ACRV1: variants seen among roughly 807,000 people sequenced by gnomAD.
The protein encoded by ACRV1 is acrosomal protein SP-10.
Under a neutral mutation model 29.2 loss-of-function variants are expected in ACRV1, and 17 were observed. That is an observed-to-expected ratio of 0.58 (90% confidence interval 0.40 to 0.87). The LOEUF (loss-of-function observed/expected upper bound fraction) is 0.87, where lower values mean the gene tolerates loss of function less well. Ranked by LOEUF, ACRV1 falls within the 40% of genes least tolerant of loss-of-function variation. ACRV1 has a pLI of 0.00. For synonymous variants in ACRV1, 98 were observed against 111.6 expected, an observed-to-expected ratio of 0.88 and a Z score of 0.77; for missense variants, 294 against 316.0, an observed-to-expected ratio of 0.93 and a Z score of 0.53.
chr11:125,675,614 A>G (rs1415001151), intron 3 of ACRV1, among the ~76,000 whole-genome samples: 1 of 152,234 alleles, frequency 6.6e-6, no homozygotes, highest in Non-Finnish European at 1.5e-5. Flanking sequence ...GTGTGGGAAT[A>G]TACTCAGACT....
At chr11:125,675,482 A>G (rs927800969) in intron 3 of ACRV1, among the ~76,000 whole-genome samples, 1 of 152,186 alleles carries the variant, frequency 6.6e-6, no homozygotes, top group Non-Finnish European at 1.5e-5. Flanking sequence ...GAAATAGGAA[A>G]ATGACATTTC....
chr11:125,676,284 C>T, intron 3 of ACRV1, 75 bp downstream of exon 3: 1 of 1,553,624 alleles, frequency 6.4e-7, no homozygotes, highest in Non-Finnish European at 8.8e-7. Context: ...GGGCCCCTGT[C>T]ATTCCAACTG....
intron 3 of ACRV1, among the ~76,000 whole-genome samples, chr11:125,675,125 G>A (rs1942428555): frequency 6.6e-6 from 1 of 152,094 alleles, no homozygotes; most frequent in African/African-American, 2.4e-5. Context: ...TAATTGCTTT[G>A]GTGCAACCTG....
Position 125,672,554 on chromosome 11 carries a change from T to C in ACRV1, c.*39A>G, listed in dbSNP as rs1942244891. 2.5e-6 allele frequency: 4 copies of C among 1,610,108 alleles called. No homozygotes were observed. Among genetic ancestry groups the C allele is most frequent in the African/African-American group, 1.3e-5 (1 of 74,630 alleles). ...TGAGCCAAATAGAGTGATGGAGGCT[T>C]TTTACTGCCTGAGTCAAAACAAGCA... On this transcript the variant is annotated 3_prime_UTR_variant, in exon 4 of 4. Coordinates refer to ENST00000533904, the MANE Select transcript of ACRV1 (RefSeq NM_001612.6).
chr11:125,680,705 C>G, intron 1 of ACRV1, 24 bp downstream of exon 1: 1 of 1,607,944 alleles, frequency 6.2e-7, no homozygotes, highest in Non-Finnish European at 8.5e-7. Context: ...TTGTATTTAC[C>G]TGAAGCCTAG....
At chr11:125,672,807 T>C in intron 3 of ACRV1, 90 bp from the exon 4 acceptor site, 2 of 1,505,724 alleles carry the variant, frequency 1.3e-6, no homozygotes, top group Admixed American at 3.8e-5. Flanking sequence ...CCATGCAGGA[T>C]GGTCAAGACC....
At chr11:125,679,884 A>G (rs1942715796) in intron 1 of ACRV1, among the ~76,000 whole-genome samples, 1 of 152,228 alleles carries the variant, frequency 6.6e-6, no homozygotes, top group South Asian at 2.1e-4. Context: ...TATTTTTTAA[A>G]CTTATTACAT....
At position 125,677,981 on chromosome 11, in the gene ACRV1, G is replaced by T; in HGVS notation, c.369C>A (p.His123Gln). Residue 123 changes from histidine to glutamine, a missense_variant, in exon 2 of 4, where the codon CAC becomes CAA. Coordinates refer to ENST00000533904, the MANE Select transcript of ACRV1 (RefSeq NM_001612.6). ...CACTCAAAGGCTGTTCTCCGGAGAGGTGTTCACCTGAAGGCTGTTCTCCTG... is the reference window on the plus strand; with the variant it reads ...CACTCAAAGGCTGTTCTCCGGAGAGTTGTTCACCTGAAGGCTGTTCTCCTG... ...QPSGEQPSGE[H>Q]LSGEQPLSEL... 1 of 1,612,492 alleles carries T rather than the reference G, an allele frequency of 6.2e-7. No homozygotes were observed. Among genetic ancestry groups the T allele is most frequent in the South Asian group, 1.1e-5 (1 of 91,008 alleles).
At position 125,672,049 on chromosome 11, in the gene ACRV1, T is replaced by C. The variant is rs1942217632; in HGVS notation, c.*544A>G. 1 of 152,326 alleles carries C rather than the reference T, an allele frequency of 6.6e-6. No homozygotes were observed. The highest frequency in any genetic ancestry group is 1.5e-5 in the Non-Finnish European group (1 of 68,220). 9.4% of individuals were successfully genotyped at this position (152,326 alleles called of 1,614,324 possible). A position where few individuals can be genotyped will look rare whatever the true frequency, so the allele number is the denominator to read the frequency against. ...GTGGACTACTGAAGACTAGAAACTC[T>C]CAAGAGCCAAAGAAGAGTTGAGTTT... On this transcript the variant is annotated 3_prime_UTR_variant, in exon 4 of 4. Coordinates refer to ENST00000533904, the MANE Select transcript of ACRV1 (RefSeq NM_001612.6).
intron 2 of ACRV1, among the ~76,000 whole-genome samples, chr11:125,677,242 T>C (rs1203997554): frequency 6.6e-6 from 1 of 152,386 alleles, no homozygotes; most frequent in South Asian, 2.1e-4. Context: ...CATCAAACTT[T>C]GGGTCTTGTT....
rs180902669 is a variant in ACRV1 at position 125,677,495 on chromosome 11, T to A, written c.553+302A>T. Among the ~76,000 whole-genome samples, 4 of 152,290 alleles carry A rather than the reference T, an allele frequency of 2.6e-5. No homozygotes were observed. The South Asian group carries it at 6.2e-4, about 24-fold the overall frequency. On this transcript the variant is annotated intron_variant, in intron 2 of 3. Coordinates refer to ENST00000533904, the MANE Select transcript of ACRV1 (RefSeq NM_001612.6). Reference sequence around the variant, plus strand: ...GAACTCTGCACTTTCATGATCCCCTTCTAGGGAAGTCGGAAGGGCTGTGTA... The same window carrying A: ...GAACTCTGCACTTTCATGATCCCCTACTAGGGAAGTCGGAAGGGCTGTGTA...
At chr11:125,676,188 G>T in intron 3 of ACRV1, 171 bp downstream of exon 3, 1 of 815,262 alleles carries the variant, frequency 1.2e-6, no homozygotes, top group Non-Finnish European at 1.9e-6. Context: ...GATTTTAGGT[G>T]TGAGCCACCT....
intron 2 of ACRV1, 66 bp from the exon 3 acceptor site, chr11:125,676,544 C>T (rs1251117900): frequency 6.3e-7 from 1 of 1,595,702 alleles, no homozygotes; most frequent in African/African-American, 1.3e-5. Flanking sequence ...TGATTCACAT[C>T]TGGGAGGGGT....
At chr11:125,679,216 C>CTTTTTT (rs71045115) in intron 1 of ACRV1, among the ~76,000 whole-genome samples, 162 of 120,962 alleles carry the variant, frequency 1.3e-3, no homozygotes, top group South Asian at 3.6e-3. Flanking sequence ...CCGTCTCTTT[C>CTTTTTT]TTTTTTTTTT....
Position 125,678,077 on chromosome 11 carries a change from ACTCT to A in ACRV1, c.269_272del (p.Glu90ValfsTer20). ...CAGCGGGCTCACCTGAAGCATGCTC[ACTCT>A]CAGCATGTTCTCCAGAAGTGTGCTC... On this transcript the variant is annotated frameshift_variant, in exon 2 of 4. Transcript: ENST00000533904. LOFTEE classifies it high-confidence loss of function. 1.2e-6 allele frequency: 2 copies of A among 1,614,074 alleles called. No individual in the cohort carries two copies. Among genetic ancestry groups the A allele is most frequent in the South Asian group, 1.1e-5 (1 of 91,080 alleles).
chr11:125,676,514 G>A, intron 2 of ACRV1, 36 bp from the exon 3 acceptor site: 2 of 1,613,228 alleles, frequency 1.2e-6, no homozygotes, highest in Non-Finnish European at 1.7e-6. Flanking sequence ...ACATTTCCTT[G>A]TGGACCAGAT....
chr11:125,676,726 C>G (rs192350279), intron 2 of ACRV1, among the ~76,000 whole-genome samples: 1 of 152,268 alleles, frequency 6.6e-6, no homozygotes, highest in East Asian at 1.9e-4. Context: ...TTACTCCAGT[C>G]CATATCTGCA....
chr11:125,677,315 A>G (rs1942557841), intron 2 of ACRV1, among the ~76,000 whole-genome samples: 1 of 152,364 alleles, frequency 6.6e-6, no homozygotes, highest in African/African-American at 2.4e-5. Context: ...CTAGGAACTC[A>G]TTTCTGGATC....
Position 125,678,255 on chromosome 11 carries a change from TG to T in ACRV1, c.94del (p.His32IlefsTer31), listed in dbSNP as rs1565397011. 1 of 1,614,184 alleles carries T rather than the reference TG, an allele frequency of 6.2e-7. No homozygotes were observed. The highest frequency in any genetic ancestry group is 1.3e-5 in the African/African-American group (1 of 75,044). ...QPNELSGSID[H>X]QTSVQQLPGE... is the part of the protein sequence containing the mutation. ...TGGAAGTTGCTGAACTGAAGTTTGA[TG>T]ATCTATGGAGCCAGAAAGCTCATTA... On this transcript the variant is annotated frameshift_variant, in exon 2 of 4. Coordinates refer to ENST00000533904, the MANE Select transcript of ACRV1 (RefSeq NM_001612.6). LOFTEE classifies it high-confidence loss of function.
Sources: gnomAD v4.1 joint callset for allele counts (sites outside exome capture counted in the v4.1 genomes callset) on GRCh38, gnomAD v4.1.1 for gene constraint, MANE v1.5 for transcripts, NCBI Gene and HGNC (gene_info 2026-07-23, HGNC 2026-07-21) for gene names.